CAPN1: variants seen among roughly 807,000 people sequenced by gnomAD.
The protein encoded by CAPN1 is calpain 1, also known as calpain-1 catalytic subunit.
In CAPN1, 77 loss-of-function variants were observed where a neutral mutation model predicts 105.2. That is an observed-to-expected ratio of 0.73 (90% CI 0.61 to 0.88). The LOEUF is 0.88. Ranked by LOEUF, CAPN1 falls within the 40% of genes least tolerant of loss-of-function variation. The probability of loss-of-function intolerance (pLI) is 0.00; values close to 1 mark genes in which losing one functional copy is unlikely to be tolerated. For synonymous variants in CAPN1, 355 were observed against 388.8 expected (o/e 0.91, Z 1.02); for missense variants, 833 against 976.6 (o/e 0.85, Z 1.96).
In CAPN1 at chr11:65,183,309, G is replaced by A. The variant is rs117079749; in HGVS notation, c.337+112G>A. 3.2e-4 allele frequency: 386 copies of A among 1,193,782 alleles called. No individual in the cohort carries two copies. In the East Asian group the frequency reaches 8.3e-3, roughly 26 times the overall value. 73.9% of individuals were successfully genotyped at this position (1,193,782 alleles called of 1,614,324 possible). ...CTCTTGCAAGCCCAGGCAGGATCTG[G>A]CTATCAGCGCTGGGGCTGGTTTGCC... is the stretch of plus-strand genomic sequence containing the variant. On this transcript the variant is annotated intron_variant, in intron 3 of 21. Transcript: ENST00000279247.
chr11:65,182,649 G>A, intron 1 of CAPN1, 52 bp from the exon 2 acceptor site: 1 of 1,459,114 alleles, frequency 6.9e-7, no homozygotes, highest in Non-Finnish European at 9.0e-7. Context: ...CAGGAGCCCA[G>A]GTTCTAGTCT....
At position 65,188,713 on chromosome 11, in the gene CAPN1, G is replaced by A; in HGVS notation, c.1132G>A (p.Gly378Arg). Residue 378 changes from glycine to arginine, a missense_variant, in exon 10 of 22, where the codon GGG (glycine) becomes AGG (arginine). Coordinates refer to ENST00000279247, the MANE Select transcript of CAPN1 (RefSeq NM_005186.4). This position sits in a 1 kb window ranked among gnomAD's most constrained non-coding sequence, Gnocchi z 5.5. ...ACTCTACGAAGGCACCTGGCGGCGG[G>A]GGAGCACCGCGGGGGGCTGCCGAAA... ...TTLYEGTWRR[G>R]STAGGCRNYP... is the part of the protein sequence containing the mutation. 1 of 1,599,956 alleles carries A rather than the reference G, an allele frequency of 6.3e-7. No individual in the cohort carries two copies. Among genetic ancestry groups the A allele is most frequent in the Non-Finnish European group, 8.5e-7 (1 of 1,173,534 alleles).
intron 11 of CAPN1, 32 bp downstream of exon 11, chr11:65,204,890 T>G (rs1199215537): frequency 1.3e-6 from 2 of 1,577,060 alleles, no homozygotes; most frequent in Admixed American, 3.4e-5. Flanking sequence ...TGGATCTCAC[T>G]GAGCAGGCAG....
chr11:65,181,685 C>G (rs546147894), upstream of CAPN1: 1,095 of 324,262 alleles, frequency 3.4e-3, 10 homozygotes, highest in African/African-American at 0.023. This position sits in a 1 kb window ranked among gnomAD's most constrained non-coding sequence, Gnocchi z 4.6. Context: ...CCATCCCCCC[C>G]CGCGCTGGCC....
chr11:65,201,521 T>C (rs1377344152), intron 10 of CAPN1, among the ~76,000 whole-genome samples: 1 of 151,456 alleles, frequency 6.6e-6, no homozygotes, highest in Non-Finnish European at 1.5e-5. Context: ...TCTTTCTTTC[T>C]TTTTTTTTGT....
chr11:65,211,375 C>T lies in CAPN1; in HGVS notation c.*89C>T. ...ACCACACCACACCAGGCCACCCCAG[C>T]TGCAAGTGCCTTCCTTGGAGCAGAG... On this transcript the variant is annotated 3_prime_UTR_variant, in exon 22 of 22. Transcript: ENST00000279247. 1 of 1,284,770 alleles carries T rather than the reference C, an allele frequency of 7.8e-7. No homozygotes were observed. The highest frequency in any genetic ancestry group is 2.4e-5 in the East Asian group (1 of 41,478). The allele number at this position is 1,284,770 out of a possible 1,614,324, so 79.6% of individuals were successfully genotyped here.
At chr11:65,189,729 G>A (rs958889872) in intron 10 of CAPN1, among the ~76,000 whole-genome samples, 1 of 152,192 alleles carries the variant, frequency 6.6e-6, no homozygotes, top group South Asian at 2.1e-4. Context: ...GAACCATTGA[G>A]TGTGGCAGGA....
intron 3 of CAPN1, 80 bp from the exon 4 acceptor site, chr11:65,183,394 C>A: frequency 8.1e-7 from 1 of 1,230,278 alleles, no homozygotes; most frequent in Non-Finnish European, 1.2e-6. Flanking sequence ...GGCCAAGGAA[C>A]CCCAGATTCT....
intron 11 of CAPN1, 143 bp downstream of exon 11, chr11:65,205,001 C>T: frequency 2.9e-6 from 2 of 692,156 alleles, no homozygotes; most frequent in Admixed American, 2.9e-5. Context: ...CCCCCACCAT[C>T]CTGAGGGCTG....
At chr11:65,193,694 A>G (rs1948751954) in intron 10 of CAPN1, among the ~76,000 whole-genome samples, 1 of 146,818 alleles carries the variant, frequency 6.8e-6, no homozygotes, top group South Asian at 2.2e-4. Context: ...TCCTTTGTAT[A>G]GTATTTCTTT....
In CAPN1 at chr11:65,209,263, A is replaced by C; in HGVS notation, c.1730-60A>C. The C allele has an allele frequency of 7.1e-7, 1 of 1,408,294 alleles. No individual in the cohort carries two copies. The highest frequency in any genetic ancestry group is 2.3e-5 in the East Asian group (1 of 42,866). The allele number at this position is 1,408,294 out of a possible 1,614,324, so 87.2% of individuals were successfully genotyped here. On this transcript the variant is annotated intron_variant, in intron 16 of 21. Coordinates refer to ENST00000279247, the MANE Select transcript of CAPN1 (RefSeq NM_005186.4). This position sits in a 1 kb window ranked among gnomAD's most constrained non-coding sequence, Gnocchi z 4.1. ...TGACTCTGCCCCACCCAGTGCTCCC[A>C]GCAGGGGCAGGTGCAGGAAGCTCAC...
chr11:65,206,544 A>G lies in CAPN1; in HGVS notation c.1435A>G (p.Asn479Asp). The stretch of plus-strand genomic sequence containing the variant: ...TCGGGCGCGCTCAGAGCAGTTCATC[A>G]ACCTGCGAGAGGTCAGCACCCGCTT... ...ASRARSEQFI[N>D]LREVSTRFRL... Residue 479 changes from asparagine (N) to aspartate (D), a missense_variant, in exon 13 of 22, where the codon AAC becomes GAC. Asn to Asp is a conservative substitution (Grantham distance 23). Transcript: ENST00000279247. 1.2e-6 allele frequency: 2 copies of G among 1,613,438 alleles called. No individual in the cohort carries two copies. Among genetic ancestry groups the G allele is most frequent in the East Asian group, 4.5e-5 (2 of 44,880 alleles).
chr11:65,211,630 T>G lies in CAPN1; in HGVS notation c.*344T>G. On this transcript the variant is annotated 3_prime_UTR_variant, in exon 22 of 22. Transcript: ENST00000279247. ...TCTCCCCACTTCAGAGGCCACCCAC[T>G]CAGCACCACCGGCCTGGCCTTGCCT... is the stretch of plus-strand genomic sequence containing the variant. The G allele has an allele frequency of 2.3e-6, 1 of 436,284 alleles. No homozygotes were observed. Among genetic ancestry groups the G allele is most frequent in the Non-Finnish European group, 4.2e-6 (1 of 235,570 alleles). 27.0% of individuals were successfully genotyped at this position (436,284 alleles called of 1,614,324 possible).
rs1227116831 is a variant in CAPN1 at position 65,208,271 on chromosome 11, C to T, written c.1729+9C>T. ...TAGGATCATCAGCAAACGTGAGTCC[C>T]CGCGGGGCTGTCCCACCACCCCACC... On this transcript the variant is annotated intron_variant, in intron 16 of 21. Transcript: ENST00000279247. The surrounding 1 kb of genome is among the most constrained non-coding windows in gnomAD (Gnocchi z 4.1). The T allele has an allele frequency of 4.5e-6, 7 of 1,556,990 alleles. No homozygotes were observed. The highest frequency in any genetic ancestry group is 6.1e-6 in the Non-Finnish European group (7 of 1,150,012).
intron 10 of CAPN1, among the ~76,000 whole-genome samples, chr11:65,190,167 C>T (rs943549619): frequency 6.6e-6 from 1 of 152,194 alleles, no homozygotes; most frequent in South Asian, 2.1e-4. Context: ...GCAACCCTCT[C>T]GACCCCACTT....
intron 14 of CAPN1, among the ~76,000 whole-genome samples, chr11:65,207,703 G>A (rs1452604757): frequency 6.6e-6 from 1 of 151,622 alleles, no homozygotes; most frequent in Middle Eastern, 3.4e-3. Flanking sequence ...ACCTGAGGTC[G>A]GGAGTTTGAG....
intron 10 of CAPN1, among the ~76,000 whole-genome samples, chr11:65,191,504 G>A (rs920333593): frequency 5.3e-5 from 8 of 151,974 alleles, no homozygotes; most frequent in Non-Finnish European, 1.0e-4. Flanking sequence ...TCAGCTTCCC[G>A]AGTAGCTGGG....
chr11:65,205,700 T>G lies in CAPN1; in HGVS notation c.1342-10T>G. ...ACACATCTCTGACTTCCCCTGTCTC[T>G]CTATTGCAGGTCCCTCCGGAGGTAG... On this transcript the variant is annotated splice_polypyrimidine_tract_variant and intron_variant, in intron 11 of 21. Coordinates refer to ENST00000279247, the MANE Select transcript of CAPN1 (RefSeq NM_005186.4). 6.2e-7 allele frequency: 1 copy of G among 1,613,600 alleles called. No individual in the cohort carries two copies. Among genetic ancestry groups the G allele is most frequent in the Non-Finnish European group, 8.5e-7 (1 of 1,179,618 alleles).
At chr11:65,201,111 A>T (rs1001148762) in intron 10 of CAPN1, among the ~76,000 whole-genome samples, 1 of 150,546 alleles carries the variant, frequency 6.6e-6, no homozygotes, top group Non-Finnish European at 1.5e-5. Context: ...CGCCCGGGTA[A>T]TTTTTTGTGT....
Sources: allele counts gnomAD v4.1 joint callset (sites outside exome capture counted in the v4.1 genomes callset), GRCh38; gene constraint gnomAD v4.1.1; non-coding constraint Gnocchi (gnomAD v3.1); transcripts MANE v1.5; gene names NCBI Gene and HGNC (gene_info 2026-07-23, HGNC 2026-07-21).